Variants in MAN2A1 observed in about 807,000 individuals in gnomAD.
The protein encoded by MAN2A1 is mannosidase alpha class 2A member 1, also known as alpha-mannosidase 2.
MAN2A1 carries 76 observed loss-of-function variants against 142.6 expected under a neutral mutation model. That is an observed-to-expected ratio of 0.53 (90% confidence interval 0.44 to 0.65). MAN2A1 has a LOEUF of 0.65. MAN2A1 is among the 30% of genes least tolerant of loss of function. The probability of loss-of-function intolerance (pLI) is 0.00; values close to 1 mark genes in which losing one functional copy is unlikely to be tolerated. For synonymous variants in MAN2A1, 559 were observed against 473.2 expected, an observed-to-expected ratio of 1.18 and a Z score of -2.35; for missense variants, 1,311 against 1,365.1, an observed-to-expected ratio of 0.96 and a Z score of 0.62.
Position 109,740,625 on chromosome 5 carries a change from G to T in MAN2A1, c.707+11112G>T, listed in dbSNP as rs115420690. 1.6e-3 allele frequency among the ~76,000 whole-genome samples: 249 copies of T among 152,270 alleles called. 1 individual carries two copies. The highest frequency in any genetic ancestry group is 5.8e-3 in the South Asian group (28 of 4,824). On this transcript the variant is annotated intron_variant, in intron 4 of 21. Transcript: ENST00000261483. ...TCTGCAGAGGGGGACTCACACAAGT[G>T]CCATGAGGGCGAAGAGTCTGTGATT...
At chr5:109,768,001 C>T (rs927431723) in intron 6 of MAN2A1, among the ~76,000 whole-genome samples, 2 of 152,200 alleles carry the variant, frequency 1.3e-5, no homozygotes, top group African/African-American at 4.8e-5. Context: ...TTTTAGAAAG[C>T]ACGTTTTATC....
At chr5:109,829,900 T>G (rs1327242217) in intron 16 of MAN2A1, among the ~76,000 whole-genome samples, 1 of 152,216 alleles carries the variant, frequency 6.6e-6, no homozygotes, top group Non-Finnish European at 1.5e-5. Context: ...CATCCCTTCT[T>G]AAAACAATTT....
chr5:109,762,678 G>C (rs1198353922), intron 5 of MAN2A1, among the ~76,000 whole-genome samples: 1 of 152,134 alleles, frequency 6.6e-6, no homozygotes, highest in Non-Finnish European at 1.5e-5. Context: ...GCTGGCCTTC[G>C]ATGTGCTCAG....
chr5:109,729,547 A>G (rs1385872834), intron 4 of MAN2A1, 34 bp downstream of exon 4: 2 of 1,213,770 alleles, frequency 1.6e-6, no homozygotes, highest in Non-Finnish European at 2.2e-6. Context: ...ATTTGGTAAT[A>G]TTAAAGCTTA....
chr5:109,859,604 A>G (rs1187684872), intron 20 of MAN2A1, among the ~76,000 whole-genome samples: 1 of 152,214 alleles, frequency 6.6e-6, no homozygotes, highest in Admixed American at 6.5e-5. Flanking sequence ...AAGCTTCTGT[A>G]AAGGTTTGAA....
At chr5:109,780,510 CTGTGTGTGTG>C (rs113661582) in intron 8 of MAN2A1, among the ~76,000 whole-genome samples, 18 of 143,774 alleles carry the variant, frequency 1.3e-4, no homozygotes, top group Admixed American at 2.8e-4. Flanking sequence ...CTTGCAATAT[CTGTGTGTGTG>C]TGTGTGTGTG....
chr5:109,751,791 C>T lies in MAN2A1; in HGVS notation c.708-3538C>T, dbSNP rs370224743. On this transcript the variant is annotated intron_variant, in intron 4 of 21. Transcript: ENST00000261483. ...CAGATTTATTATTTTTGTCATTTAA[C>T]ATTTCTTATCTCCATTTCTCTTATA... Among the ~76,000 whole-genome samples, 79 of 152,042 alleles carry T rather than the reference C, an allele frequency of 5.2e-4. 1 individual carries two copies. The East Asian group carries it at 0.014, about 28-fold the overall frequency.
chr5:109,773,039 T>C (rs1235887516), intron 7 of MAN2A1, among the ~76,000 whole-genome samples: 1 of 152,184 alleles, frequency 6.6e-6, no homozygotes, highest in Non-Finnish European at 1.5e-5. Context: ...TACAGTTAAG[T>C]TGACATTTCT....
chr5:109,770,403 G>C lies in MAN2A1; in HGVS notation c.1058G>C (p.Ser353Thr). The stretch of plus-strand genomic sequence containing the variant: ...TTATGCCACATGATGCCCTTCTACA[G>C]CTATGACATCCCTCACACTTGTGGA... ...DILCHMMPFYSYDIPHTCGPD... is the reference protein window; with the variant it reads ...DILCHMMPFYTYDIPHTCGPD... Residue 353 changes from serine to threonine, a missense_variant, in exon 7 of 22, where the codon AGC becomes ACC. By Grantham distance (58) the Ser-to-Thr change is moderately conservative. This residue lies in a region of MAN2A1 where 12 missense variants were observed against 31.9 expected (regional missense o/e 0.38). Coordinates refer to ENST00000261483, the MANE Select transcript of MAN2A1 (RefSeq NM_002372.4). The C allele has an allele frequency of 6.2e-7, 1 of 1,613,996 alleles. No individual in the cohort carries two copies. The highest frequency in any genetic ancestry group is 8.5e-7 in the Non-Finnish European group (1 of 1,179,910).
intron 17 of MAN2A1, among the ~76,000 whole-genome samples, chr5:109,844,618 G>C (rs1755300102): frequency 6.6e-6 from 1 of 152,062 alleles, no homozygotes; most frequent in Non-Finnish European, 1.5e-5. Flanking sequence ...CTAACATCAG[G>C]GTGTTGGCAG....
chr5:109,757,522 A>G (rs1752719953), intron 5 of MAN2A1, among the ~76,000 whole-genome samples: 5 of 152,184 alleles, frequency 3.3e-5, no homozygotes, highest in Admixed American at 3.3e-4. Flanking sequence ...ATGAACTCAC[A>G]TAATATTATT....
chr5:109,723,054 G>C lies in MAN2A1; in HGVS notation c.536-6288G>C, dbSNP rs927544152. On this transcript the variant is annotated intron_variant, in intron 3 of 21. Coordinates refer to ENST00000261483, the MANE Select transcript of MAN2A1 (RefSeq NM_002372.4). ...TTGCAGCTATGAGAAAAAGTATGCA[G>C]GTCTTCTAAGGGGCACTTAGAAAAG... Among the ~76,000 whole-genome samples the C allele has an allele frequency of 2.0e-5, 3 of 152,100 alleles. No individual in the cohort carries two copies. The East Asian group carries it at 5.8e-4, about 29-fold the overall frequency.
intron 1 of MAN2A1, chr5:109,699,562 G>T (rs1335125658): frequency 4.0e-5 from 6 of 150,036 alleles, no homozygotes; most frequent in Non-Finnish European, 8.8e-5. Context: ...TTTTCAAAAT[G>T]ATATACTTGA....
chr5:109,767,534 G>A lies in MAN2A1; in HGVS notation c.836-1G>A. On this transcript the variant is annotated splice_acceptor_variant, in intron 5 of 21. Transcript: ENST00000261483. LOFTEE classifies it high-confidence loss of function. ...TTAACACTTATCATCTTTATCCACA[G>A]GAGTGAAACCTCGGTCCGGCTGGGC... The A allele has an allele frequency of 1.2e-6, 2 of 1,610,268 alleles. No homozygotes were observed. The highest frequency in any genetic ancestry group is 1.7e-6 in the Non-Finnish European group (2 of 1,178,648).
At chr5:109,702,165 C>A (rs1751001728) in intron 1 of MAN2A1, among the ~76,000 whole-genome samples, 1 of 152,128 alleles carries the variant, frequency 6.6e-6, no homozygotes, top group South Asian at 2.1e-4. Context: ...ACCAGCAGCT[C>A]ATGGATCAGC....
intron 12 of MAN2A1, among the ~76,000 whole-genome samples, chr5:109,795,959 A>G (rs1331160409): frequency 1.3e-5 from 2 of 152,204 alleles, no homozygotes; most frequent in African/African-American, 4.8e-5. Context: ...CTAGCAGGCC[A>G]ATGTACTTCC....
chr5:109,749,188 G>C (rs1752483708), intron 4 of MAN2A1, among the ~76,000 whole-genome samples: 1 of 152,090 alleles, frequency 6.6e-6, no homozygotes, highest in Non-Finnish European at 1.5e-5. Context: ...TAAGTTGTCT[G>C]TAACAATTTC....
At chr5:109,859,493 A>G (rs544989486) in intron 20 of MAN2A1, among the ~76,000 whole-genome samples, 24 of 152,244 alleles carry the variant, frequency 1.6e-4, no homozygotes, top group Admixed American at 1.3e-3. Flanking sequence ...ACTATCTACA[A>G]ACTTACCCAT....
At chr5:109,745,142 ACT>A (rs1256000484) in intron 4 of MAN2A1, among the ~76,000 whole-genome samples, 6 of 151,924 alleles carry the variant, frequency 3.9e-5, no homozygotes, top group Non-Finnish European at 8.8e-5. Flanking sequence ...GCATGAGGGA[ACT>A]CTCTGAATTG....
Sources: allele counts gnomAD v4.1 joint callset (sites outside exome capture counted in the v4.1 genomes callset), GRCh38; gene constraint gnomAD v4.1.1; regional missense constraint gnomAD v4.1.1; transcripts MANE v1.5; gene names NCBI Gene and HGNC (gene_info 2026-07-23, HGNC 2026-07-21).